The following ERMAP variants were observed in gnomAD, a reference collection of about 807,000 sequenced individuals.
ERMAP encodes the protein erythroid membrane-associated protein.
In ERMAP, 34 loss-of-function variants were observed where a neutral mutation model predicts 49.5. That is an observed-to-expected ratio of 0.69 (90% confidence interval 0.52 to 0.91). ERMAP has a LOEUF of 0.91. Ranked by LOEUF, ERMAP falls within the 40% of genes least tolerant of loss-of-function variation. The pLI is 0.00. For missense variants in ERMAP, 541 were observed against 582.6 expected (o/e 0.93, Z 0.74); for synonymous variants, 214 against 232.2 (o/e 0.92, Z 0.71).
At chr1:42,838,538 T>A (rs1172904223) in intron 7 of ERMAP, among the ~76,000 whole-genome samples, 1 of 152,222 alleles carries the variant, frequency 6.6e-6, no homozygotes, top group African/African-American at 2.4e-5. Flanking sequence ...GGCCTTTAGC[T>A]AGTTTTACAC....
chr1:42,830,906 A>G lies in ERMAP; in HGVS notation c.224A>G (p.Gln75Arg), dbSNP rs199680522. The change falls in exon 4 of 12, where the codon CAG (glutamine) becomes CGG (arginine). Residue 75 changes from glutamine (Q) to arginine (R), a missense_variant. Transcript: ENST00000372517. ...WLRSPFPQRS[Q>R]AVHIFRDGKD... ...CGGTCCCCATTCCCGCAGCGCTCCC[A>G]GGCTGTTCACATATTCCGGGATGGG... 2.5e-5 allele frequency: 40 copies of G among 1,614,090 alleles called. No homozygotes were observed. The East Asian group carries it at 8.7e-4, about 35-fold the overall frequency.
chr1:42,817,337 G>GA, intron 1 of ERMAP, 84 bp downstream of exon 1: 1 of 998,440 alleles, frequency 1.0e-6, no homozygotes, highest in Non-Finnish European at 1.3e-6. Flanking sequence ...GCGCCGGGGG[G>GA]AGGGGCGCAG....
chr1:42,819,464 G>A lies in ERMAP; in HGVS notation c.-122+2211G>A, dbSNP rs1453250348. Among the ~76,000 whole-genome samples the A allele has an allele frequency of 2.0e-5, 3 of 152,056 alleles. No individual in the cohort carries two copies. In the East Asian group the frequency reaches 5.8e-4, roughly 29 times the overall value. Reference sequence around the variant, plus strand: ...TTTATGCTTTGTCTGTCTCTTTTGTGTCTACCAGTGGACTCTTGGCCAGGC... The same window carrying A: ...TTTATGCTTTGTCTGTCTCTTTTGTATCTACCAGTGGACTCTTGGCCAGGC... On this transcript the variant is annotated intron_variant, in intron 1 of 11. Transcript: ENST00000372517. This position sits in a 1 kb window ranked among gnomAD's most constrained non-coding sequence, Gnocchi z 5.1.
At chr1:42,824,484 A>T (rs887126280) in intron 1 of ERMAP, 1 of 152,252 alleles carries the variant, frequency 6.6e-6, no homozygotes, top group African/African-American at 2.4e-5. Context: ...GCAGTGAATG[A>T]ATATCCTAGT....
chr1:42,825,649 C>T lies in ERMAP; in HGVS notation c.-95C>T. On this transcript the variant is annotated 5_prime_UTR_variant, in exon 2 of 12. Coordinates refer to ENST00000372517, the MANE Select transcript of ERMAP (RefSeq NM_001017922.2). Reference sequence around the variant, plus strand: ...CCTTCCTGATGCGCTTGCCTGCTCCCTGGTCTCTCTGCATGGGGAAGGAGT... The same window carrying T: ...CCTTCCTGATGCGCTTGCCTGCTCCTTGGTCTCTCTGCATGGGGAAGGAGT... 7.8e-7 allele frequency: 1 copy of T among 1,289,316 alleles called. No homozygotes were observed. Among genetic ancestry groups the T allele is most frequent in the Non-Finnish European group, 1.0e-6 (1 of 988,850 alleles). The allele number at this position is 1,289,316 out of a possible 1,614,324, so 79.9% of individuals were successfully genotyped here.
intron 8 of ERMAP, 108 bp from the exon 9 acceptor site, chr1:42,839,925 G>A (rs2124356975): frequency 9.0e-7 from 1 of 1,113,926 alleles, no homozygotes; most frequent in South Asian, 1.3e-5. Flanking sequence ...CCAGGGTATA[G>A]CTATTGAGTA....
At position 42,831,048 on chromosome 1, in the gene ERMAP, G is replaced by A. The variant is rs757800023; in HGVS notation, c.366G>A (p.Gly122=). The change falls in exon 4 of 12, where the codon GGG becomes GGA. Residue 122 remains glycine, a synonymous_variant. Coordinates refer to ENST00000372517, the MANE Select transcript of ERMAP (RefSeq NM_001017922.2). The part of the protein sequence containing the change: ...QILDVRLEDQ[G]SYRCLIQVGN... Reference sequence around the variant, plus strand: ...TTGACGTGCGCCTTGAGGACCAAGGGTCTTACCGATGTCTGATCCAAGTTG... The same window carrying A: ...TTGACGTGCGCCTTGAGGACCAAGGATCTTACCGATGTCTGATCCAAGTTG... 6.2e-6 allele frequency: 10 copies of A among 1,614,230 alleles called. No individual in the cohort carries two copies. The highest frequency in any genetic ancestry group is 8.5e-6 in the Non-Finnish European group (10 of 1,180,030).
intron 4 of ERMAP, among the ~76,000 whole-genome samples, chr1:42,832,108 T>C (rs34721801): frequency 0.047 from 7,094 of 151,196 alleles, 245 homozygotes; most frequent in African/African-American, 0.091. Flanking sequence ...TGGGGATGAA[T>C]CAATTACTTT....
chr1:42,838,423 C>T (rs1241482190), intron 7 of ERMAP, among the ~76,000 whole-genome samples: 1 of 152,206 alleles, frequency 6.6e-6, no homozygotes, highest in African/African-American at 2.4e-5. Context: ...ACACATGTCT[C>T]ATACACATGT....
At chr1:42,825,895 G>C (rs545975849) in intron 2 of ERMAP, 157 bp downstream of exon 2, 2 of 884,120 alleles carry the variant, frequency 2.3e-6, no homozygotes. Context: ...AACACAAAAG[G>C]AGACAAGTGA....
chr1:42,837,220 A>G (rs1327262370), intron 7 of ERMAP, 30 bp downstream of exon 7: 6 of 1,599,318 alleles, frequency 3.8e-6, no homozygotes, highest in Middle Eastern at 1.7e-4. Context: ...AGGGGTAGGG[A>G]ACAAAAAACA....
intron 5 of ERMAP, 145 bp from the exon 6 acceptor site, chr1:42,835,587 A>C (rs1427426537): frequency 2.9e-6 from 3 of 1,044,042 alleles, no homozygotes. Flanking sequence ...GATGGTTTGA[A>C]GACTCTCTAA....
At chr1:42,835,646 C>T in intron 5 of ERMAP, 86 bp from the exon 6 acceptor site, 1 of 1,570,736 alleles carries the variant, frequency 6.4e-7, no homozygotes, top group Middle Eastern at 2.0e-4. Context: ...CAGTCCTACT[C>T]AGGCAGCTGG....
At position 42,817,156 on chromosome 1, in the gene ERMAP, G is replaced by A. The variant is rs1023314113; in HGVS notation, c.-219G>A. On this transcript the variant is annotated 5_prime_UTR_variant, in exon 1 of 12. Transcript: ENST00000372517. Reference sequence around the variant, plus strand: ...CTCCTGGAGGAAAATGGCGGTCGCTGGAGCCGCCGACCAAGAGGCTTGGGA... The same window carrying A: ...CTCCTGGAGGAAAATGGCGGTCGCTAGAGCCGCCGACCAAGAGGCTTGGGA... 4.2e-6 allele frequency: 5 copies of A among 1,203,098 alleles called. No individual in the cohort carries two copies. The Admixed American group carries it at 8.6e-5, about 21-fold the overall frequency. 74.5% of individuals were successfully genotyped at this position (1,203,098 alleles called of 1,614,324 possible). A position where few individuals can be genotyped will look rare whatever the true frequency, so the allele number is the denominator to read the frequency against.
chr1:42,838,884 C>T lies in ERMAP; in HGVS notation c.617-17C>T, dbSNP rs1290217822. On this transcript the variant is annotated splice_polypyrimidine_tract_variant and intron_variant, in intron 7 of 11. Transcript: ENST00000372517. ...AGGATCTGATCACTCACTCTTCTCTCTCTTTCTGGTTTTTAGGAAAACTCC... is the reference window on the plus strand; with the variant it reads ...AGGATCTGATCACTCACTCTTCTCTTTCTTTCTGGTTTTTAGGAAAACTCC... 5 of 1,614,156 alleles carry T rather than the reference C, an allele frequency of 3.1e-6. No homozygotes were observed. The East Asian group carries it at 1.1e-4, about 36-fold the overall frequency.
chr1:42,833,256 A>G (rs1654799799), intron 4 of ERMAP, among the ~76,000 whole-genome samples: 1 of 152,230 alleles, frequency 6.6e-6, no homozygotes, highest in Non-Finnish European at 1.5e-5. Context: ...AAGCATATAT[A>G]TTGTAGAAAA....
At chr1:42,830,322 A>T in intron 2 of ERMAP, 122 bp from the exon 3 acceptor site, 1 of 768,554 alleles carries the variant, frequency 1.3e-6, no homozygotes, top group Non-Finnish European at 2.2e-6. Context: ...CTGGGATTGG[A>T]GCCCCGGCCT....
chr1:42,823,568 G>A (rs1490432227), intron 1 of ERMAP, among the ~76,000 whole-genome samples: 1 of 152,128 alleles, frequency 6.6e-6, no homozygotes, highest in Non-Finnish European at 1.5e-5. Flanking sequence ...GAAAATGCCT[G>A]CCAAATACCC....
In ERMAP at chr1:42,843,891, C is replaced by T. The variant is rs1419946285; in HGVS notation, c.*659C>T. 3.0e-5 allele frequency: 12 copies of T among 395,750 alleles called. No individual in the cohort carries two copies. The highest frequency in any genetic ancestry group is 5.3e-5 in the Non-Finnish European group (12 of 224,806). The allele number at this position is 395,750 out of a possible 1,614,324, so 24.5% of individuals were successfully genotyped here. On this transcript the variant is annotated 3_prime_UTR_variant, in exon 12 of 12. Coordinates refer to ENST00000372517, the MANE Select transcript of ERMAP (RefSeq NM_001017922.2). ...GCCTGTTGATGGTAACTAGGTACAG[C>T]GACTTTAAATACAGTTGCTATAATC...
Sources: allele counts gnomAD v4.1 joint callset (sites outside exome capture counted in the v4.1 genomes callset), GRCh38; gene constraint gnomAD v4.1.1; non-coding constraint Gnocchi (gnomAD v3.1); transcripts MANE v1.5; gene names NCBI Gene and HGNC (gene_info 2026-07-23, HGNC 2026-07-21).